The following LMO7 variants were observed in gnomAD, a reference collection of about 807,000 sequenced individuals.
The protein encoded by LMO7 is LIM domain 7.
In LMO7, 120 loss-of-function variants were observed where a neutral mutation model predicts 206.5. The ratio of observed to expected loss-of-function variants is 0.58; its 90% CI spans 0.50 to 0.68. The LOEUF is 0.68. LMO7 is among the 30% of genes least tolerant of loss of function. The pLI is 0.00. For missense variants in LMO7, 1,959 were observed against 1,957.9 expected (o/e 1.00, Z -0.01); for synonymous variants, 706 against 681.5 (o/e 1.04, Z -0.56).
chr13:75,836,227 G>C (rs1261376163), intron 18 of LMO7, among the ~76,000 whole-genome samples, 170 bp from the exon 19 acceptor site: 1 of 152,122 alleles, frequency 6.6e-6, no homozygotes, highest in East Asian at 1.9e-4. Flanking sequence ...AAATATTGAA[G>C]TATAATGAAA....
At chr13:75,748,617 T>C (rs1413105447) in intron 3 of LMO7, among the ~76,000 whole-genome samples, 2 of 152,106 alleles carry the variant, frequency 1.3e-5, no homozygotes, top group Non-Finnish European at 2.9e-5. Context: ...ACAATGGATG[T>C]TGAGGAAACA....
At chr13:75,809,936 A>G (rs924098843) in intron 11 of LMO7, among the ~76,000 whole-genome samples, 1 of 151,174 alleles carries the variant, frequency 6.6e-6, no homozygotes, top group Non-Finnish European at 1.5e-5. Context: ...GGTTCAAGCA[A>G]TTCTCCTGTC....
intron 3 of LMO7, among the ~76,000 whole-genome samples, chr13:75,748,815 C>CTTTCTT (rs1555307981): frequency 2.1e-5 from 3 of 143,078 alleles, no homozygotes; most frequent in Non-Finnish European, 4.6e-5. Context: ...TTCTTTCTTT[C>CTTTCTT]TTTTTTTTTT....
chr13:75,632,334 C>G (rs1383833443), upstream of LMO7, among the ~76,000 whole-genome samples: 1 of 152,182 alleles, frequency 6.6e-6, no homozygotes, highest in Admixed American at 6.5e-5. Flanking sequence ...TGACTTGAAA[C>G]AGGATTTGCA....
Position 75,663,432 on chromosome 13 carries a change from C to CTTTCTTTCTTT in LMO7, c.69+26709_69+26710insCTTTCTTTTTT, listed in dbSNP as rs1555289857. On this transcript the variant is annotated intron_variant, in intron 1 of 30. Coordinates refer to ENST00000377534, the MANE Select transcript of LMO7 (RefSeq NM_001306080.2). ...TTTTTCTTTCTTTCTTTCTTTCTTT[C>CTTTCTTTCTTT]TTTTTTTTTTTTTTTTGAGACGGAG... is the stretch of plus-strand genomic sequence containing the variant. Among the ~76,000 whole-genome samples the CTTTCTTTCTTT allele has an allele frequency of 5.2e-3, 584 of 111,382 alleles. 6 individuals carry two copies. Among genetic ancestry groups the CTTTCTTTCTTT allele is most frequent in the African/African-American group, 0.017 (462 of 26,600 alleles). 73.1% of individuals were successfully genotyped at this position (111,382 alleles called of 152,430 possible). A position where few individuals can be genotyped will look rare whatever the true frequency, so the allele number is the denominator to read the frequency against.
intron 11 of LMO7, 157 bp from the exon 12 acceptor site, chr13:75,817,004 A>C (rs2057075478): frequency 4.1e-6 from 2 of 482,152 alleles, no homozygotes; most frequent in Non-Finnish European, 7.4e-6. Context: ...TTTTGGAAAA[A>C]CACCATTTAT....
Position 75,841,789 on chromosome 13 carries a change from T to C in LMO7, c.3837T>C (p.His1279=), listed in dbSNP as rs767013659. 1.2e-6 allele frequency: 2 copies of C among 1,613,984 alleles called. No individual in the cohort carries two copies. Among genetic ancestry groups the C allele is most frequent in the Non-Finnish European group, 1.7e-6 (2 of 1,179,986 alleles). The change falls in exon 24 of 31, where the codon CAT becomes CAC. Residue 1279 remains histidine (H), a synonymous_variant. Transcript: ENST00000377534. The part of the protein sequence containing the change: ...ERRQPQEEVV[H]EDQGKKPQDQ... ...GACAGCCACAAGAGGAAGTTGTTCA[T>C]GAGGACCAAGGAAAGAAGCCGCAGG...
At chr13:75,841,068 A>C (rs1341497253) in intron 22 of LMO7, 41 bp from the exon 23 acceptor site, 2 of 1,216,678 alleles carry the variant, frequency 1.6e-6, no homozygotes, top group Admixed American at 3.6e-5. Context: ...TAATGTGAAG[A>C]GTTAATCTAT....
chr13:75,838,121 T>C lies in LMO7; in HGVS notation c.3395-19T>C. On this transcript the variant is annotated intron_variant, in intron 19 of 30. Coordinates refer to ENST00000377534, the MANE Select transcript of LMO7 (RefSeq NM_001306080.2). ...GAAATAAAAATGAATGACATAGTGT[T>C]TATTTTTTTTTCAACTAGCATCTGA... is the stretch of plus-strand genomic sequence containing the variant. The C allele has an allele frequency of 6.8e-7, 1 of 1,461,598 alleles. No homozygotes were observed. The allele number at this position is 1,461,598 out of a possible 1,614,324, so 90.5% of individuals were successfully genotyped here.
At chr13:75,770,683 A>T (rs1047680416) in intron 4 of LMO7, among the ~76,000 whole-genome samples, 2 of 152,156 alleles carry the variant, frequency 1.3e-5, no homozygotes, top group Non-Finnish European at 2.9e-5. Context: ...TATAGCCTCC[A>T]GAGTATCTCA....
At chr13:75,749,192 A>C (rs890579615) in intron 3 of LMO7, among the ~76,000 whole-genome samples, 2 of 152,238 alleles carry the variant, frequency 1.3e-5, no homozygotes, top group African/African-American at 4.8e-5. Flanking sequence ...TCGTTGGGAC[A>C]GGTTGCACTA....
intron 1 of LMO7, among the ~76,000 whole-genome samples, chr13:75,640,370 A>G (rs1234742914): frequency 1.3e-5 from 2 of 152,120 alleles, no homozygotes; most frequent in East Asian, 1.9e-4. Flanking sequence ...TCCCTAATCC[A>G]TTGCTTGTGT....
intron 3 of LMO7, among the ~76,000 whole-genome samples, chr13:75,738,449 A>T (rs1277935041): frequency 1.3e-5 from 2 of 152,174 alleles, no homozygotes; most frequent in Admixed American, 6.5e-5. Flanking sequence ...CATTCATGCA[A>T]TTATTTTTTC....
At chr13:75,661,184 T>G (rs2038561827) in intron 1 of LMO7, among the ~76,000 whole-genome samples, 1 of 152,214 alleles carries the variant, frequency 6.6e-6, no homozygotes, top group Non-Finnish European at 1.5e-5. Context: ...CCCATCCTAA[T>G]GAGAACACTG....
chr13:75,625,421 G>T (rs560150011), intron 2 of LMO7, among the ~76,000 whole-genome samples: 53 of 15,118 alleles, frequency 3.5e-3, no homozygotes, highest in African/African-American at 6.8e-3. Context: ...ATGCAAGTGT[G>T]TGTGCATGTG....
intron 2 of LMO7, among the ~76,000 whole-genome samples, chr13:75,715,017 A>C (rs563802076): frequency 1.3e-5 from 2 of 152,328 alleles, no homozygotes; most frequent in South Asian, 4.1e-4. Context: ...ATATATCTCG[A>C]ATATATGATC....
intron 15 of LMO7, among the ~76,000 whole-genome samples, chr13:75,825,011 A>T (rs4884023): frequency 2.6e-5 from 4 of 152,048 alleles, no homozygotes; most frequent in African/African-American, 9.7e-5. Flanking sequence ...GCAGGAAAGT[A>T]TAAATAATTT....
Position 75,858,026 on chromosome 13 carries a change from T to G in LMO7, c.*83T>G. On this transcript the variant is annotated 3_prime_UTR_variant, in exon 31 of 31. Transcript: ENST00000377534. ...TGTAGATCTATAAATATGTGTTGTA[T>G]GTCTTTTTTGCTTTTTTTTTAAAAA... 1 of 1,537,320 alleles carries G rather than the reference T, an allele frequency of 6.5e-7. No individual in the cohort carries two copies. The highest frequency in any genetic ancestry group is 8.8e-7 in the Non-Finnish European group (1 of 1,133,124).
rs763412001 is a variant in LMO7 at position 75,808,046 on chromosome 13, T to C, written c.1763T>C (p.Met588Thr). Residue 588 changes from methionine (M) to threonine (T), a missense_variant, in exon 10 of 31, where the codon ATG (methionine) becomes ACG (threonine). Met to Thr is a moderately conservative substitution (Grantham distance 81). Coordinates refer to ENST00000377534, the MANE Select transcript of LMO7 (RefSeq NM_001306080.2). ...VPSYRQKKDD[M>T]LTRKIQSWKL... is the part of the protein sequence containing the mutation. ...TCATATCGGCAGAAGAAAGATGACA[T>C]GCTGACACGTAAGATTCAGTCCTGG... The C allele has an allele frequency of 6.2e-7, 1 of 1,613,964 alleles. No homozygotes were observed. Among genetic ancestry groups the C allele is most frequent in the Non-Finnish European group, 8.5e-7 (1 of 1,179,884 alleles).
Sources: allele counts gnomAD v4.1 joint callset (sites outside exome capture counted in the v4.1 genomes callset), GRCh38; gene constraint gnomAD v4.1.1; transcripts MANE v1.5; gene names NCBI Gene and HGNC (gene_info 2026-07-23, HGNC 2026-07-21).